The following ZNF106 variants were observed in gnomAD, a reference collection of about 807,000 sequenced individuals.
ZNF106 encodes the protein SH3-domain binding protein 3.
A neutral mutation model predicts 195.1 loss-of-function variants in ZNF106; 67 were observed. The ratio of observed to expected loss-of-function variants is 0.34; its 90% CI spans 0.28 to 0.42. The LOEUF is 0.42. Ranked by LOEUF, ZNF106 falls within the 10% of genes least tolerant of loss-of-function variation. The pLI is 1.00. For missense variants in ZNF106, 2,118 were observed against 2,304.5 expected (o/e 0.92, Z 1.66); for synonymous variants, 784 against 818.6 (o/e 0.96, Z 0.72).
chr15:42,479,016 A>AT (rs1275934380), intron 1 of ZNF106, among the ~76,000 whole-genome samples: 1 of 152,198 alleles, frequency 6.6e-6, no homozygotes, highest in African/African-American at 2.4e-5. Context: ...CTCACAGATT[A>AT]TTTGGAAGAT....
chr15:42,490,605 G>T lies in ZNF106; in HGVS notation c.-33+375C>A, dbSNP rs376533225. ...AAAGAACGGAGGTTGTCAGTCGCGA[G>T]AGGTTGAAATGTGTCCCTGGCCTGA... is the stretch of plus-strand genomic sequence containing the variant. On this transcript the variant is annotated intron_variant, in intron 1 of 21. Coordinates refer to ENST00000564754, the MANE Select transcript of ZNF106 (RefSeq NM_001366845.3). Among the ~76,000 whole-genome samples, 15 of 152,340 alleles carry T rather than the reference G, an allele frequency of 9.8e-5. No homozygotes were observed. In the East Asian group the frequency reaches 2.1e-3, roughly 22 times the overall value.
At chr15:42,436,767 G>A (rs1268154266) in intron 13 of ZNF106, among the ~76,000 whole-genome samples, 1 of 152,164 alleles carries the variant, frequency 6.6e-6, no homozygotes, top group Non-Finnish European at 1.5e-5. Flanking sequence ...ACCTCCTCCA[G>A]TACTTCCCCA....
rs2054473466 is a variant in ZNF106, at chr15:42,416,753, A to G, written c.*551T>C. ...TTAGCACTTAAAGCCAGCTCTATCT[A>G]TAAAGCAAGAAAACAGTGACACACA... is the stretch of plus-strand genomic sequence containing the variant. On this transcript the variant is annotated 3_prime_UTR_variant, in exon 22 of 22. Coordinates refer to ENST00000564754, the MANE Select transcript of ZNF106 (RefSeq NM_001366845.3). The G allele has an allele frequency of 6.6e-6, 1 of 152,300 alleles. No homozygotes were observed. The highest frequency in any genetic ancestry group is 1.5e-5 in the Non-Finnish European group (1 of 68,074). The allele number at this position is 152,300 out of a possible 1,614,324, so 9.4% of individuals were successfully genotyped here. A position where few individuals can be genotyped will look rare whatever the true frequency, so the allele number is the denominator to read the frequency against.
rs1471604186 is a variant in ZNF106 at position 42,439,659 on chromosome 15, T to C, written c.3918A>G (p.Gln1306=). The change falls in exon 11 of 22, where the codon CAA becomes CAG. Residue 1306 remains glutamine, a synonymous_variant. Coordinates refer to ENST00000564754, the MANE Select transcript of ZNF106 (RefSeq NM_001366845.3). ...TRNRENSPSS[Q]SAGLSSINKE... Reference sequence around the variant, plus strand: ...TATTTATGCTAGAAAGACCAGCTGATTGGGAAGAGGGAGAGTTTTCTCTGT... The same window carrying C: ...TATTTATGCTAGAAAGACCAGCTGACTGGGAAGAGGGAGAGTTTTCTCTGT... 8 of 1,614,010 alleles carry C rather than the reference T, an allele frequency of 5.0e-6. No individual in the cohort carries two copies. The South Asian group carries it at 5.5e-5, about 11-fold the overall frequency.
chr15:42,466,160 GA>G (rs11411148), intron 2 of ZNF106, 46 bp from the exon 3 acceptor site: 5,469 of 1,130,232 alleles, frequency 4.8e-3, no homozygotes, highest in South Asian at 7.5e-3. Flanking sequence ...GGATTGCTTT[GA>G]AAAAAAAAAA....
At chr15:42,418,902 ATG>A (rs2054552449) in intron 20 of ZNF106, among the ~76,000 whole-genome samples, 1 of 151,768 alleles carries the variant, frequency 6.6e-6, no homozygotes, top group Non-Finnish European at 1.5e-5. Flanking sequence ...GCTTAATTTC[ATG>A]TATTAGAAAG....
chr15:42,459,830 G>C (rs1348529496), intron 3 of ZNF106, among the ~76,000 whole-genome samples: 2 of 151,998 alleles, frequency 1.3e-5, no homozygotes, highest in Non-Finnish European at 2.9e-5. Flanking sequence ...CACGAGGTCA[G>C]GAGTTCGAGA....
intron 6 of ZNF106, among the ~76,000 whole-genome samples, chr15:42,447,209 A>G (rs1419998983): frequency 6.6e-6 from 1 of 152,188 alleles, no homozygotes; most frequent in Admixed American, 6.5e-5. Flanking sequence ...TACTATGCTT[A>G]TCACCTCAGT....
At chr15:42,485,040 T>C (rs1047983230) in intron 1 of ZNF106, among the ~76,000 whole-genome samples, 2 of 151,520 alleles carry the variant, frequency 1.3e-5, no homozygotes, top group Non-Finnish European at 2.9e-5. Context: ...TCCCAGCTAC[T>C]CAGGTGGCTG....
At chr15:42,443,212 T>A (rs1329543841) in intron 9 of ZNF106, among the ~76,000 whole-genome samples, 1 of 152,180 alleles carries the variant, frequency 6.6e-6, no homozygotes, top group Non-Finnish European at 1.5e-5. Flanking sequence ...CAAAGTTATA[T>A]AGGCTACTAA....
At chr15:42,479,163 C>T (rs544632636) in intron 1 of ZNF106, among the ~76,000 whole-genome samples, 72 of 152,170 alleles carry the variant, frequency 4.7e-4, no homozygotes, top group African/African-American at 1.7e-3. Context: ...CACCTGAGGT[C>T]AGGAGTTCAA....
At chr15:42,465,783 G>C (rs1029096433) in intron 3 of ZNF106, among the ~76,000 whole-genome samples, 1 of 152,190 alleles carries the variant, frequency 6.6e-6, no homozygotes, top group Admixed American at 6.5e-5. Flanking sequence ...GCTTACTAAT[G>C]AGAGAGTTAG....
At position 42,444,943 on chromosome 15, in the gene ZNF106, T is replaced by C. The variant is rs1189806011; in HGVS notation, c.3244A>G (p.Arg1082Gly). Residue 1082 changes from arginine (R) to glycine (G), a missense_variant, in exon 8 of 22, where the codon AGG becomes GGG. Physicochemically the swap from Arg to Gly is moderately radical, Grantham distance 125. Transcript: ENST00000564754. ...AATGACTTACTAAGTTCTTCCTCCC[T>C]TAAAGAAATATTCAGCAGCTGGTCA... is the stretch of plus-strand genomic sequence containing the variant. Reference protein sequence around the residue: ...QVDQLLNISLREEELSKSLQC... With the variant: ...QVDQLLNISLGEEELSKSLQC... The C allele has an allele frequency of 6.2e-7, 1 of 1,614,154 alleles. No individual in the cohort carries two copies. Among genetic ancestry groups the C allele is most frequent in the Non-Finnish European group, 8.5e-7 (1 of 1,180,020 alleles).
At chr15:42,445,801 A>G (rs930520283) in intron 7 of ZNF106, among the ~76,000 whole-genome samples, 1 of 152,166 alleles carries the variant, frequency 6.6e-6, no homozygotes, top group Admixed American at 6.5e-5. Flanking sequence ...GCCTCATCCA[A>G]TCACTTCCAG....
chr15:42,436,749 G>C (rs1257720195), intron 13 of ZNF106, among the ~76,000 whole-genome samples: 1 of 152,168 alleles, frequency 6.6e-6, no homozygotes, highest in Non-Finnish European at 1.5e-5. Context: ...TCACTTGTCA[G>C]GGAAAATACC....
chr15:42,446,802 C>T (rs564725804), intron 6 of ZNF106, 144 bp from the exon 7 acceptor site: 92 of 717,364 alleles, frequency 1.3e-4, no homozygotes, highest in Admixed American at 3.4e-4. Context: ...GTCTCACGCA[C>T]GTGGTACCAA....
intron 1 of ZNF106, among the ~76,000 whole-genome samples, chr15:42,482,527 T>TTTTTTTG (rs2056923183): frequency 7.3e-6 from 1 of 136,066 alleles, no homozygotes; most frequent in African/African-American, 2.9e-5. Context: ...CTCCAGTTTT[T>TTTTTTTG]TTTTTTTTTT....
Position 42,451,263 on chromosome 15 carries a change from A to C in ZNF106, c.1009T>G (p.Phe337Val). Residue 337 changes from phenylalanine to valine, a missense_variant, in exon 5 of 22, where the codon TTC becomes GTC. Phe to Val is a conservative substitution (Grantham distance 50). Coordinates refer to ENST00000564754, the MANE Select transcript of ZNF106 (RefSeq NM_001366845.3). ...DKFPSEGLLD[F>V]NFEQLESQTT... ...TGGCTTTCCAGCTGCTCAAAATTGA[A>C]GTCGAGTAAGCCTTCTGAAGGAAAT... 6.2e-7 allele frequency: 1 copy of C among 1,614,200 alleles called. No homozygotes were observed. Among genetic ancestry groups the C allele is most frequent in the Non-Finnish European group, 8.5e-7 (1 of 1,180,044 alleles).
intron 14 of ZNF106, among the ~76,000 whole-genome samples, chr15:42,430,778 CTATT>C (rs776120735): frequency 6.6e-6 from 1 of 151,878 alleles, no homozygotes; most frequent in South Asian, 2.1e-4. Flanking sequence ...TTATGTAAGA[CTATT>C]TATTACCAAA....
Sources: allele counts gnomAD v4.1 joint callset (sites outside exome capture counted in the v4.1 genomes callset), GRCh38; gene constraint gnomAD v4.1.1; transcripts MANE v1.5; gene names NCBI Gene and HGNC (gene_info 2026-07-23, HGNC 2026-07-21).